SMG7: variants seen among roughly 807,000 people sequenced by gnomAD.
SMG7 encodes nonsense-mediated mRNA decay factor SMG7.
Under a neutral mutation model 148.2 loss-of-function variants are expected in SMG7, and 34 were observed. The ratio of observed to expected loss-of-function variants is 0.23; its 90% CI spans 0.17 to 0.31. The LOEUF (loss-of-function observed/expected upper bound fraction) is 0.31, where lower values mean the gene tolerates loss of function less well. Among genes scored for constraint, SMG7 ranks in the 10% least tolerant of loss-of-function variants. The pLI is 1.00. For missense variants in SMG7, 1,114 were observed against 1,408.4 expected (o/e 0.79, Z 3.35); for synonymous variants, 492 against 515.1 (o/e 0.96, Z 0.61).
chr1:183,488,831 C>A lies in SMG7; in HGVS notation c.29+16182C>A, dbSNP rs1275268149. Among the ~76,000 whole-genome samples the A allele has an allele frequency of 2.0e-5, 3 of 151,738 alleles. No individual in the cohort carries two copies. The East Asian group carries it at 5.8e-4, about 29-fold the overall frequency. On this transcript the variant is annotated intron_variant, in intron 1 of 22. Coordinates refer to ENST00000688051, the MANE Select transcript of SMG7 (RefSeq NM_001375584.1). The stretch of plus-strand genomic sequence containing the variant: ...CCTGAGTAGCTGGGATTACAGGCAC[C>A]CACCACCATGTCCAGCTAATTTTTG...
intron 1 of SMG7, among the ~76,000 whole-genome samples, chr1:183,477,836 A>G (rs752306300): frequency 1.3e-5 from 2 of 152,130 alleles, no homozygotes; most frequent in Non-Finnish European, 2.9e-5. Flanking sequence ...GTATATATAC[A>G]TATATTTTTT....
At chr1:183,517,852 C>T (rs375694399) in intron 4 of SMG7, 32 bp downstream of exon 4, 2 of 1,608,008 alleles carry the variant, frequency 1.2e-6, no homozygotes, top group Non-Finnish European at 1.7e-6. Flanking sequence ...AGTTTTCTTA[C>T]TATTAGTGGT....
intron 1 of SMG7, among the ~76,000 whole-genome samples, chr1:183,484,816 AT>A (rs918126976): frequency 2.0e-5 from 3 of 152,056 alleles, no homozygotes; most frequent in African/African-American, 7.2e-5. Flanking sequence ...TTTAGTAATC[AT>A]TTTGACCTGT....
chr1:183,488,982 C>G (rs1041088629), intron 1 of SMG7, among the ~76,000 whole-genome samples: 5 of 152,112 alleles, frequency 3.3e-5, no homozygotes, highest in Non-Finnish European at 5.9e-5. Context: ...CCACGCCTGG[C>G]CAAGGCTTTT....
At chr1:183,495,192 A>C (rs1012571076) in intron 1 of SMG7, among the ~76,000 whole-genome samples, 1 of 151,868 alleles carries the variant, frequency 6.6e-6, no homozygotes, top group African/African-American at 2.4e-5. Flanking sequence ...ATTGTTTTTC[A>C]GCGATTTGAT....
chr1:183,552,757 GCACAGCAAGCAGTCT>G lies in SMG7; in HGVS notation c.*832_*846del. On this transcript the variant is annotated 3_prime_UTR_variant, in exon 23 of 23. Coordinates refer to ENST00000688051, the MANE Select transcript of SMG7 (RefSeq NM_001375584.1). Reference sequence around the variant, plus strand: ...TTTGATTCCTGTACATTTTACAGTCGCACAGCAAGCAGTCTCACAGAAGGCAGGCTAGTCCATTCA... The same window carrying G: ...TTTGATTCCTGTACATTTTACAGTCGCACAGAAGGCAGGCTAGTCCATTCA... The G allele has an allele frequency of 7.2e-7, 1 of 1,379,346 alleles. No homozygotes were observed. Among genetic ancestry groups the G allele is most frequent in the Non-Finnish European group, 9.4e-7 (1 of 1,068,038 alleles). The allele number at this position is 1,379,346 out of a possible 1,614,324, so 85.4% of individuals were successfully genotyped here.
In SMG7 at chr1:183,553,185, G is replaced by T. The variant is rs1321084869; in HGVS notation, c.*1254G>T. 3 of 1,535,706 alleles carry T rather than the reference G, an allele frequency of 2.0e-6. 1 individual carries two copies. Among genetic ancestry groups the T allele is most frequent in the Non-Finnish European group, 8.7e-7 (1 of 1,146,340 alleles). On this transcript the variant is annotated 3_prime_UTR_variant, in exon 23 of 23. Coordinates refer to ENST00000688051, the MANE Select transcript of SMG7 (RefSeq NM_001375584.1). ...CGACGTCGTCCATTTTGGAAGAGAC[G>T]AAAGAAAGGAAAATAAACTCTTTGT...
chr1:183,533,723 C>G lies in SMG7; in HGVS notation c.1054C>G (p.Gln352Glu), dbSNP rs1558037162. ...CAAGTGTCCTCTACAGAATGAGTCT[C>G]AGGAGGAGTCCTACAATGCCTATCC... The part of the protein sequence containing the change: ...LCKCPLQNES[Q>E]EESYNAYPLP... The change falls in exon 10 of 23, where the codon CAG becomes GAG. Residue 352 changes from glutamine to glutamate, a missense_variant. Gln to Glu is a conservative substitution (Grantham distance 29). Coordinates refer to ENST00000688051, the MANE Select transcript of SMG7 (RefSeq NM_001375584.1). 1 of 1,613,264 alleles carries G rather than the reference C, an allele frequency of 6.2e-7. No individual in the cohort carries two copies. The highest frequency in any genetic ancestry group is 8.5e-7 in the Non-Finnish European group (1 of 1,179,540).
chr1:183,484,352 GA>G (rs34570462), intron 1 of SMG7, among the ~76,000 whole-genome samples: 244 of 142,854 alleles, frequency 1.7e-3, no homozygotes, highest in Non-Finnish European at 2.1e-3. Flanking sequence ...ATTTTTTTCT[GA>G]AAAAAAATTT....
chr1:183,491,711 T>C (rs1229770097), intron 1 of SMG7, among the ~76,000 whole-genome samples: 1 of 152,220 alleles, frequency 6.6e-6, no homozygotes, highest in Non-Finnish European at 1.5e-5. Flanking sequence ...TATCATGGAT[T>C]GGTGTCTTGA....
chr1:183,486,299 C>G lies in SMG7; in HGVS notation c.29+13650C>G, dbSNP rs568385295. On this transcript the variant is annotated intron_variant, in intron 1 of 22. Coordinates refer to ENST00000688051, the MANE Select transcript of SMG7 (RefSeq NM_001375584.1). ...TCTCAGAGTAATTGACATATTCAGT[C>G]TTCAAGGAATGGTAGAGTCTGAATA... Among the ~76,000 whole-genome samples, 26 of 152,344 alleles carry G rather than the reference C, an allele frequency of 1.7e-4. No individual in the cohort carries two copies. In the South Asian group the frequency reaches 5.2e-3, roughly 30 times the overall value.
rs374138535 is a variant in SMG7, at chr1:183,546,094, G to T, written c.2499G>T (p.Pro833=). 1 of 1,613,738 alleles carries T rather than the reference G, an allele frequency of 6.2e-7. No homozygotes were observed. ...AAGACCCCATAAAACTGTTTGAGCCGTCATTGCAACCTCCTGTAATGCAGC... is the reference window on the plus strand; with the variant it reads ...AAGACCCCATAAAACTGTTTGAGCCTTCATTGCAACCTCCTGTAATGCAGC... ...QTQDPIKLFE[P]SLQPPVMQQQ... Residue 833 remains proline (P), a synonymous_variant, in exon 17 of 23, where the codon CCG becomes CCT. Transcript: ENST00000688051.
intron 22 of SMG7, 53 bp from the exon 23 acceptor site, chr1:183,551,765 T>G: frequency 7.1e-7 from 1 of 1,410,626 alleles, no homozygotes; most frequent in Non-Finnish European, 9.6e-7. Context: ...AAAAATCCCT[T>G]TCAGACAACT....
intron 4 of SMG7, among the ~76,000 whole-genome samples, 192 bp downstream of exon 4, chr1:183,518,012 G>T (rs957103677): frequency 2.0e-5 from 3 of 152,044 alleles, no homozygotes; most frequent in Non-Finnish European, 2.9e-5. Context: ...TAGTGGTGCC[G>T]TCATGGCTTC....
chr1:183,503,049 G>A (rs1343977616), intron 1 of SMG7, among the ~76,000 whole-genome samples: 1 of 152,140 alleles, frequency 6.6e-6, no homozygotes, highest in Non-Finnish European at 1.5e-5. Context: ...TGAGCTCTGG[G>A]GTTTGGAACT....
At chr1:183,504,838 C>T (rs1054222488) in intron 1 of SMG7, among the ~76,000 whole-genome samples, 5 of 152,202 alleles carry the variant, frequency 3.3e-5, no homozygotes, top group Middle Eastern at 3.4e-3. Context: ...ATTCTCTTGA[C>T]GTCTCCCTAC....
At position 183,544,435 on chromosome 1, in the gene SMG7, G is replaced by A. The variant is rs201077093; in HGVS notation, c.1925G>A (p.Ser642Asn). 9 of 1,613,968 alleles carry A rather than the reference G, an allele frequency of 5.6e-6. No homozygotes were observed. The highest frequency in any genetic ancestry group is 5.9e-6 in the Non-Finnish European group (7 of 1,179,892). The change falls in exon 15 of 23, where the codon AGT becomes AAT. Residue 642 changes from serine to asparagine, a missense_variant. This residue lies in a region of SMG7 where 788 missense variants were observed against 894.5 expected (regional missense o/e 0.88). Coordinates refer to ENST00000688051, the MANE Select transcript of SMG7 (RefSeq NM_001375584.1). ...TPVTQTPTQA[S>N]NSQFIPIHHP... Reference sequence around the variant, plus strand: ...GTAACTCAAACCCCAACTCAAGCAAGTAACTCCCAGTTCATCCCCATTCAT... The same window carrying A: ...GTAACTCAAACCCCAACTCAAGCAAATAACTCCCAGTTCATCCCCATTCAT...
In SMG7 at chr1:183,521,873, AAG is replaced by A. The variant is rs980062816; in HGVS notation, c.312+4055_312+4056del. ...GACCTTGTCTCAAAAAAAAAAAAAA[AAG>A]AAGGAGTTGCAAGTCACTGGAGTTG... On this transcript the variant is annotated intron_variant, in intron 4 of 22. Coordinates refer to ENST00000688051, the MANE Select transcript of SMG7 (RefSeq NM_001375584.1). 1.2e-4 allele frequency among the ~76,000 whole-genome samples: 18 copies of A among 151,662 alleles called. No individual in the cohort carries two copies. The East Asian group carries it at 1.6e-3, about 13-fold the overall frequency.
intron 3 of SMG7, 113 bp from the exon 4 acceptor site, chr1:183,517,575 T>C: frequency 1.0e-6 from 1 of 984,938 alleles, no homozygotes; most frequent in Non-Finnish European, 1.6e-6. Context: ...TAATGCAGGT[T>C]TACTGTCTCG....
Sources: allele counts gnomAD v4.1 joint callset (sites outside exome capture counted in the v4.1 genomes callset), GRCh38; gene constraint gnomAD v4.1.1; regional missense constraint gnomAD v4.1.1; transcripts MANE v1.5; gene names NCBI Gene and HGNC (gene_info 2026-07-23, HGNC 2026-07-21).